Variants in RPSA2 observed in about 807,000 individuals in gnomAD.
The protein encoded by RPSA2 is ribosomal protein SA 2, also known as small ribosomal subunit protein uS2B.
At chr19:23,831,749 AAAG>A in the RPSA2 span, 2 of 278,902 alleles carry the variant, frequency 7.2e-6, no homozygotes, top group African/African-American at 2.3e-5. Context: ...TCAGGTGCAC[AAAG>A]AAGGTTATAA....
the RPSA2 span, among the ~76,000 whole-genome samples, chr19:23,786,678 G>A: frequency 2.0e-5 from 3 of 152,248 alleles, no homozygotes; most frequent in East Asian, 1.9e-4. Flanking sequence ...CCATACTGAT[G>A]TTACTCTCTT....
the RPSA2 span, among the ~76,000 whole-genome samples, chr19:23,839,691 C>A: frequency 2.0e-5 from 3 of 152,252 alleles, no homozygotes; most frequent in Non-Finnish European, 4.4e-5. Flanking sequence ...GGAGTTTTAC[C>A]CCTTGCTTCT....
At chr19:23,778,080 C>T in the RPSA2 span, among the ~76,000 whole-genome samples, 2 of 152,166 alleles carry the variant, frequency 1.3e-5, no homozygotes, top group South Asian at 2.1e-4. Flanking sequence ...CCTGGTCCTG[C>T]CCTTAAAAGA....
the RPSA2 span, among the ~76,000 whole-genome samples, chr19:23,825,172 G>GCTTGTATA: frequency 6.6e-6 from 1 of 151,898 alleles, no homozygotes; most frequent in Non-Finnish European, 1.5e-5. Flanking sequence ...TAGAGACTGG[G>GCTTGTATA]TTTCACCATG....
the RPSA2 span, among the ~76,000 whole-genome samples, chr19:23,851,750 TAACGGC>T: frequency 1.3e-5 from 2 of 152,196 alleles, no homozygotes; most frequent in African/African-American, 2.4e-5. Context: ...GTGAACGCTG[TAACGGC>T]CTCAGGAATG....
At chr19:23,828,467 A>G in the RPSA2 span, among the ~76,000 whole-genome samples, 4 of 140,884 alleles carry the variant, frequency 2.8e-5, no homozygotes, top group African/African-American at 1.0e-4. Context: ...ATTGAGCAGG[A>G]TGGACTCTGC....
chr19:23,810,525 T>C, the RPSA2 span, among the ~76,000 whole-genome samples: 145,495 of 148,668 alleles, frequency 0.98, 71,302 homozygotes, highest in Middle Eastern at 1. Flanking sequence ...GGGGCAGGTT[T>C]CTGCAGTCGG....
At chr19:23,780,397 A>G in the RPSA2 span, among the ~76,000 whole-genome samples, 2 of 152,118 alleles carry the variant, frequency 1.3e-5, no homozygotes, top group East Asian at 3.9e-4. Flanking sequence ...TAATCCCAGC[A>G]CTTTGGGAGG....
At chr19:23,837,609 C>T in the RPSA2 span, among the ~76,000 whole-genome samples, 1 of 152,084 alleles carries the variant, frequency 6.6e-6, no homozygotes, top group Non-Finnish European at 1.5e-5. Context: ...GATGTGTTTC[C>T]ATTTGTTTGT....
the RPSA2 span, among the ~76,000 whole-genome samples, chr19:23,813,439 G>A: frequency 1.3e-5 from 2 of 151,658 alleles, no homozygotes; most frequent in Non-Finnish European, 2.9e-5. Flanking sequence ...TATATCTTAC[G>A]TAAGTGAAAT....
At chr19:23,787,245 A>G in the RPSA2 span, among the ~76,000 whole-genome samples, 1 of 152,050 alleles carries the variant, frequency 6.6e-6, no homozygotes, top group Non-Finnish European at 1.5e-5. Context: ...GTGACATATT[A>G]CTGGGTGTGA....
chr19:23,812,617 T>C, the RPSA2 span, among the ~76,000 whole-genome samples: 1 of 152,154 alleles, frequency 6.6e-6, no homozygotes, highest in African/African-American at 2.4e-5. Flanking sequence ...TAGGCTGGTC[T>C]CGGATTCCTG....
the RPSA2 span, among the ~76,000 whole-genome samples, chr19:23,847,501 T>C: frequency 1.3e-5 from 2 of 152,142 alleles, no homozygotes; most frequent in African/African-American, 4.8e-5. Flanking sequence ...CCAGCAGGTT[T>C]TTATTAAGGA....
chr19:23,868,838 G>A, the RPSA2 span, among the ~76,000 whole-genome samples: 1 of 152,142 alleles, frequency 6.6e-6, no homozygotes. Flanking sequence ...GGCCAACCAT[G>A]GGCCCGGTCC....
the RPSA2 span, among the ~76,000 whole-genome samples, chr19:23,848,054 T>C: frequency 2.0e-5 from 3 of 152,310 alleles, no homozygotes; most frequent in East Asian, 3.9e-4. Flanking sequence ...CAAACACGCA[T>C]GTTTTACAAT....
the RPSA2 span, among the ~76,000 whole-genome samples, chr19:23,867,762 A>G: frequency 1.3e-4 from 19 of 151,292 alleles, no homozygotes; most frequent in Non-Finnish European, 2.1e-4. Flanking sequence ...CCCGGGAGGC[A>G]GAGCTTGCAG....
chr19:23,844,299 A>G, the RPSA2 span, among the ~76,000 whole-genome samples: 148,963 of 152,294 alleles, frequency 0.98, 72,946 homozygotes, highest in Middle Eastern at 1. Context: ...TTGAATTTTA[A>G]ACTTTTCTTG....
the RPSA2 span, among the ~76,000 whole-genome samples, chr19:23,833,554 T>C: frequency 2.6e-5 from 4 of 152,248 alleles, no homozygotes; most frequent in African/African-American, 7.2e-5. Context: ...TAACTATCAG[T>C]GTGTACAATG....
the RPSA2 span, among the ~76,000 whole-genome samples, chr19:23,867,611 A>G: frequency 6.6e-6 from 1 of 152,102 alleles, no homozygotes; most frequent in Non-Finnish European, 1.5e-5. Flanking sequence ...CGGGTGGATC[A>G]TGAGGTCAGG....
Sources: allele counts gnomAD v4.1 joint callset (sites outside exome capture counted in the v4.1 genomes callset), GRCh38; gene constraint gnomAD v4.1.1; transcripts MANE v1.5; gene names NCBI Gene and HGNC (gene_info 2026-07-23, HGNC 2026-07-21).